Variants in SYN3 observed in about 807,000 individuals in gnomAD.
The protein encoded by SYN3 is synapsin-3.
In SYN3, 35 loss-of-function variants were observed where a neutral mutation model predicts 65.8. The observed-to-expected ratio is 0.53, with a 90% CI of 0.41 to 0.70. SYN3 has a LOEUF of 0.70. Among genes scored for constraint, SYN3 ranks in the 30% least tolerant of loss-of-function variants. The pLI, the probability that SYN3 is intolerant of heterozygous loss-of-function variation, is 0.00. For missense variants in SYN3, 680 were observed against 749.0 expected (o/e 0.91, Z 1.08); for synonymous variants, 270 against 292.9 (o/e 0.92, Z 0.80).
chr22:32,920,671 G>A (rs2050313021), intron 4 of SYN3, among the ~76,000 whole-genome samples: 2 of 152,150 alleles, frequency 1.3e-5, no homozygotes, highest in South Asian at 4.1e-4. Context: ...TCCCCTAAGA[G>A]TTATTCTCTT....
chr22:32,754,106 T>C (rs1422407579), intron 6 of SYN3, among the ~76,000 whole-genome samples: 3 of 152,188 alleles, frequency 2.0e-5, no homozygotes, highest in Non-Finnish European at 2.9e-5. Flanking sequence ...ACTTGGAATG[T>C]GCTCCTCATC....
At chr22:32,603,314 C>T (rs555733296) in intron 6 of SYN3, among the ~76,000 whole-genome samples, 55 of 149,476 alleles carry the variant, frequency 3.7e-4, no homozygotes, top group South Asian at 1.3e-3. Flanking sequence ...AGATGGAGAC[C>T]ATCCTGGCTA....
chr22:32,769,502 C>T (rs758019810), intron 6 of SYN3, among the ~76,000 whole-genome samples: 37 of 142,224 alleles, frequency 2.6e-4, no homozygotes, highest in Admixed American at 1.3e-3. Flanking sequence ...TCCTTATCTC[C>T]CTGACTTCTG....
At chr22:32,685,829 G>A (rs1350867134) in intron 6 of SYN3, among the ~76,000 whole-genome samples, 1 of 152,140 alleles carries the variant, frequency 6.6e-6, no homozygotes, top group Non-Finnish European at 1.5e-5. Flanking sequence ...GAGTTGAGAT[G>A]TATCTACAAA....
chr22:32,667,132 A>G (rs2147042665), intron 6 of SYN3, among the ~76,000 whole-genome samples: 1 of 151,896 alleles, frequency 6.6e-6, no homozygotes, highest in South Asian at 2.1e-4. Context: ...GGTAACATAC[A>G]ATCTCTCTTC....
chr22:32,849,507 G>T (rs372960245), intron 6 of SYN3: 1 of 1,613,454 alleles, frequency 6.2e-7, no homozygotes, highest in Non-Finnish European at 8.5e-7. Flanking sequence ...CCTTCGGCAC[G>T]CTGGTCTACA....
intron 2 of SYN3, among the ~76,000 whole-genome samples, chr22:32,991,131 C>T (rs906959128): frequency 1.3e-5 from 2 of 151,568 alleles, no homozygotes; most frequent in African/African-American, 2.4e-5. Flanking sequence ...TGCAGTGAGC[C>T]GAGATAGTGC....
chr22:32,847,917 C>A (rs2048114367), intron 6 of SYN3, among the ~76,000 whole-genome samples: 1 of 152,214 alleles, frequency 6.6e-6, no homozygotes, highest in African/African-American at 2.4e-5. Context: ...CTCATCACAC[C>A]CCCTGATAGA....
chr22:32,838,062 C>T (rs1221841213), intron 6 of SYN3, among the ~76,000 whole-genome samples: 3 of 152,162 alleles, frequency 2.0e-5, no homozygotes, highest in Non-Finnish European at 2.9e-5. Flanking sequence ...TCCTGTGGCT[C>T]CCTGGACTAT....
At chr22:32,747,239 C>T (rs950156708) in intron 6 of SYN3, among the ~76,000 whole-genome samples, 3 of 151,572 alleles carry the variant, frequency 2.0e-5, no homozygotes, top group Admixed American at 2.0e-4. Flanking sequence ...TGCCAGAAGT[C>T]ACACAGCCAG....
In SYN3 at chr22:32,583,051, TG is replaced by T. The variant is rs372326635; in HGVS notation, c.774+13622del. Among the ~76,000 whole-genome samples the T allele has an allele frequency of 2.1e-4, 32 of 152,258 alleles. No homozygotes were observed. In the South Asian group the frequency reaches 6.4e-3, roughly 31 times the overall value. On this transcript the variant is annotated intron_variant, in intron 7 of 13. Transcript: ENST00000358763. ...CAGAGCTATTGGTATGGAGGTCTCC[TG>T]GGGGTGAAGACCAAGAGTCAAGCAA...
At chr22:32,558,717 C>T (rs1353877707) in intron 7 of SYN3, among the ~76,000 whole-genome samples, 1 of 152,244 alleles carries the variant, frequency 6.6e-6, no homozygotes, top group African/African-American at 2.4e-5. Context: ...CAAGCTGTAC[C>T]AGCCAAACTC....
chr22:32,519,648 A>G (rs1042946310), intron 12 of SYN3: 5 of 152,194 alleles, frequency 3.3e-5, no homozygotes, highest in African/African-American at 1.2e-4. Context: ...CCACCCAGAA[A>G]TGACTTTGAG....
intron 7 of SYN3, among the ~76,000 whole-genome samples, chr22:32,566,523 TAA>T (rs1254767137): frequency 6.6e-6 from 1 of 152,198 alleles, no homozygotes; most frequent in Non-Finnish European, 1.5e-5. Context: ...GAAAGTGACG[TAA>T]AGTTTGTGTG....
intron 4 of SYN3, among the ~76,000 whole-genome samples, chr22:32,904,656 C>T (rs868302140): frequency 3.9e-5 from 6 of 152,206 alleles, no homozygotes; most frequent in Middle Eastern, 3.4e-3. Context: ...AGAAAAATCT[C>T]CTTATGCATA....
chr22:32,607,770 G>C (rs748135009), intron 6 of SYN3, among the ~76,000 whole-genome samples: 1 of 152,174 alleles, frequency 6.6e-6, no homozygotes, highest in Non-Finnish European at 1.5e-5. Context: ...TGCTTTTCTT[G>C]TTCTTGCCTG....
chr22:33,013,414 G>C (rs1037538505), intron 1 of SYN3, among the ~76,000 whole-genome samples: 1 of 152,138 alleles, frequency 6.6e-6, no homozygotes, highest in African/African-American at 2.4e-5. Flanking sequence ...GCCTCTCTGA[G>C]AAAGTTACTT....
At chr22:32,866,739 C>T (rs16991417) in intron 5 of SYN3, among the ~76,000 whole-genome samples, 4,164 of 152,180 alleles carry the variant, frequency 0.027, 183 homozygotes, top group African/African-American at 0.095. Flanking sequence ...ATCTTGGATG[C>T]CATTGGCCAA....
At chr22:32,556,812 T>C (rs1251512631) in intron 7 of SYN3, among the ~76,000 whole-genome samples, 1,633 of 112,130 alleles carry the variant, frequency 0.015, 255 homozygotes, top group East Asian at 0.025. Context: ...TGGTTTTTTT[T>C]TTTTTTTTTT....
Sources: allele counts gnomAD v4.1 joint callset (sites outside exome capture counted in the v4.1 genomes callset), GRCh38; gene constraint gnomAD v4.1.1; transcripts MANE v1.5; gene names NCBI Gene and HGNC (gene_info 2026-07-23, HGNC 2026-07-21).